The following LIFR variants were observed in gnomAD, a reference collection of about 807,000 sequenced individuals.
LIFR encodes the protein leukemia inhibitory factor receptor.
Under a neutral mutation model 122.2 loss-of-function variants are expected in LIFR, and 84 were observed. That is an observed-to-expected ratio of 0.69 (90% CI 0.58 to 0.82). The LOEUF is 0.82. LIFR is among the 40% of genes least tolerant of loss of function. LIFR has a pLI of 0.00. For missense variants in LIFR, 1,294 were observed against 1,311.6 expected (o/e 0.99, Z 0.21); for synonymous variants, 422 against 434.7 (o/e 0.97, Z 0.36).
chr5:38,558,634 G>C (rs886107723), upstream of LIFR: 35 of 152,324 alleles, frequency 2.3e-4, no homozygotes, highest in African/African-American at 8.4e-4. Flanking sequence ...AAAGGAAAGA[G>C]GTTTAATTGA....
At chr5:38,570,067 A>G (rs1188575645) in intron 1 of LIFR, among the ~76,000 whole-genome samples, 1 of 152,204 alleles carries the variant, frequency 6.6e-6, no homozygotes, top group East Asian at 1.9e-4. Context: ...TTCTGGACCC[A>G]TACTATCTTG....
chr5:38,546,607 T>C (rs1747907382), intron 1 of LIFR, among the ~76,000 whole-genome samples: 1 of 152,234 alleles, frequency 6.6e-6, no homozygotes, highest in Non-Finnish European at 1.5e-5. Flanking sequence ...CTTTCCTTAC[T>C]GGTCTTCAAA....
intron 1 of LIFR, among the ~76,000 whole-genome samples, chr5:38,588,843 T>G (rs1026448461): frequency 6.6e-6 from 1 of 152,206 alleles, no homozygotes; most frequent in Non-Finnish European, 1.5e-5. Flanking sequence ...AGAAAGTGTA[T>G]GAAACACTCT....
intron 14 of LIFR, among the ~76,000 whole-genome samples, chr5:38,492,049 T>C (rs1744622361): frequency 2.0e-5 from 3 of 152,114 alleles, no homozygotes; most frequent in African/African-American, 4.8e-5. Flanking sequence ...GAGAACAGGA[T>C]GAGAGAGGAA....
At chr5:38,496,337 C>CT (rs1561142802) in intron 13 of LIFR, 45 bp downstream of exon 13, 1 of 1,417,370 alleles carries the variant, frequency 7.1e-7, no homozygotes, top group Admixed American at 1.7e-5. Context: ...ACATTTCTCA[C>CT]TTTAGTTTCC....
At chr5:38,590,450 G>A (rs191058680) in intron 1 of LIFR, among the ~76,000 whole-genome samples, 1 of 152,148 alleles carries the variant, frequency 6.6e-6, no homozygotes, top group African/African-American at 2.4e-5. Flanking sequence ...TGCCTCTGTT[G>A]TCTGTGCCTG....
At chr5:38,589,433 T>C (rs1749854951) in intron 1 of LIFR, among the ~76,000 whole-genome samples, 1 of 152,114 alleles carries the variant, frequency 6.6e-6, no homozygotes, top group Admixed American at 6.5e-5. Flanking sequence ...ATAAAATGGA[T>C]GAAAGTAATT....
Position 38,477,743 on chromosome 5 carries a change from GA to G in LIFR, c.*3851del, listed in dbSNP as rs1189347704. 1 of 218,856 alleles carries G rather than the reference GA, an allele frequency of 4.6e-6. No homozygotes were observed. The highest frequency in any genetic ancestry group is 2.2e-5 in the African/African-American group (1 of 44,558). 13.6% of individuals were successfully genotyped at this position (218,856 alleles called of 1,614,324 possible). ...TATCACCCTTCAGGAAAATTCTGTT[GA>G]ATCTGTGACACTCTGGGATAGGACT... On this transcript the variant is annotated 3_prime_UTR_variant, in exon 20 of 20. Coordinates refer to ENST00000453190, the MANE Select transcript of LIFR (RefSeq NM_001127671.2).
At chr5:38,566,083 AG>A (rs1173473695) in intron 1 of LIFR, among the ~76,000 whole-genome samples, 2 of 152,224 alleles carry the variant, frequency 1.3e-5, no homozygotes, top group Non-Finnish European at 2.9e-5. Flanking sequence ...AAAGAAAAAA[AG>A]AAACTATTTT....
chr5:38,492,964 C>T (rs1389549830), intron 14 of LIFR, among the ~76,000 whole-genome samples: 1 of 152,188 alleles, frequency 6.6e-6, no homozygotes, highest in Non-Finnish European at 1.5e-5. Flanking sequence ...TGTGGAAAAA[C>T]TTCTCAGGCT....
At chr5:38,537,000 A>C (rs926200685) in intron 1 of LIFR, among the ~76,000 whole-genome samples, 2 of 152,100 alleles carry the variant, frequency 1.3e-5, no homozygotes, top group Non-Finnish European at 2.9e-5. Flanking sequence ...GGGAACTTTT[A>C]AAAATAGACT....
Position 38,506,613 on chromosome 5 carries a change from T to A in LIFR, c.1011A>T (p.Gln337His). ...AATCATGTGTCTCACAATTCAGTTG[T>A]TGAGGAGTATCTGGTGGATCTAACA... ...IFAGYPPDTPQQLNCETHDLK... is the reference protein window; with the variant it reads ...IFAGYPPDTPHQLNCETHDLK... The change falls in exon 8 of 20, where the codon CAA (glutamine) becomes CAT (histidine). Residue 337 changes from glutamine to histidine, a missense_variant. Gln to His is a conservative substitution (Grantham distance 24). Coordinates refer to ENST00000453190, the MANE Select transcript of LIFR (RefSeq NM_001127671.2). The A allele has an allele frequency of 6.2e-7, 1 of 1,613,344 alleles. No individual in the cohort carries two copies. Among genetic ancestry groups the A allele is most frequent in the Non-Finnish European group, 8.5e-7 (1 of 1,179,308 alleles).
At chr5:38,560,046 G>GT (rs1278725566), upstream of LIFR, among the ~76,000 whole-genome samples, 1 of 152,110 alleles carries the variant, frequency 6.6e-6, no homozygotes, top group South Asian at 2.1e-4. Context: ...GTTGATGGTG[G>GT]TTTTTTCATT....
At chr5:38,581,024 C>T (rs1749564197) in intron 1 of LIFR, among the ~76,000 whole-genome samples, 2 of 152,122 alleles carry the variant, frequency 1.3e-5, no homozygotes, top group African/African-American at 4.8e-5. Flanking sequence ...CTCTGTGCCT[C>T]AGTTTCCTCA....
At chr5:38,586,047 C>T (rs867557204) in intron 1 of LIFR, among the ~76,000 whole-genome samples, 9 of 152,138 alleles carry the variant, frequency 5.9e-5, no homozygotes, top group African/African-American at 2.2e-4. Context: ...ATCCGCTTCC[C>T]CTTTTCCCCA....
chr5:38,563,939 C>T (rs1001780063), intron 1 of LIFR, among the ~76,000 whole-genome samples: 5 of 152,116 alleles, frequency 3.3e-5, no homozygotes, highest in African/African-American at 9.7e-5. Context: ...ACCGTAGTGC[C>T]GCTGTGAGTG....
rs114827400 is a variant in LIFR at position 38,534,307 on chromosome 5, T to C, written c.-19-3641A>G. 2.5e-3 allele frequency among the ~76,000 whole-genome samples: 387 copies of C among 152,308 alleles called. 1 individual carries two copies. Among genetic ancestry groups the C allele is most frequent in the Non-Finnish European group, 4.1e-3 (277 of 68,028 alleles). Reference sequence around the variant, plus strand: ...AAACTCTGCAGTTTGGTAGACTCCATTGTGTTATTGAAGTGAAGTGTAGGG... The same window carrying C: ...AAACTCTGCAGTTTGGTAGACTCCACTGTGTTATTGAAGTGAAGTGTAGGG... On this transcript the variant is annotated intron_variant, in intron 1 of 19. Coordinates refer to ENST00000453190, the MANE Select transcript of LIFR (RefSeq NM_001127671.2).
intron 1 of LIFR, among the ~76,000 whole-genome samples, chr5:38,577,256 C>A (rs932904032): frequency 4.6e-5 from 7 of 152,160 alleles, no homozygotes; most frequent in African/African-American, 1.7e-4. Flanking sequence ...TGGAAAGAAG[C>A]AGATATTTGA....
chr5:38,553,721 C>A (rs2112663399), intron 1 of LIFR, among the ~76,000 whole-genome samples: 1 of 131,230 alleles, frequency 7.6e-6, no homozygotes, highest in East Asian at 2.3e-4. Context: ...TACACTAGTC[C>A]TAAAAGCCCT....
Sources: gnomAD v4.1 joint callset for allele counts (sites outside exome capture counted in the v4.1 genomes callset) on GRCh38, gnomAD v4.1.1 for gene constraint, MANE v1.5 for transcripts, NCBI Gene and HGNC (gene_info 2026-07-23, HGNC 2026-07-21) for gene names.